DAB1: variants seen among roughly 807,000 people sequenced by gnomAD.
The protein encoded by DAB1 is DAB adaptor protein 1.
In DAB1, 15 loss-of-function variants were observed where a neutral mutation model predicts 64.6. The observed-to-expected ratio is 0.23, with a 90% CI of 0.16 to 0.36. The LOEUF (loss-of-function observed/expected upper bound fraction) is 0.36. DAB1 is among the 10% of genes least tolerant of loss of function. The probability of loss-of-function intolerance (pLI) is 1.00; values close to 1 mark genes in which losing one functional copy is unlikely to be tolerated. For missense variants in DAB1, 596 were observed against 706.7 expected, an observed-to-expected ratio of 0.84 and a Z score of 1.78; for synonymous variants, 235 against 251.9, an observed-to-expected ratio of 0.93 and a Z score of 0.64.
intron 7 of DAB1, among the ~76,000 whole-genome samples, chr1:57,518,559 CT>C (rs1406151049): frequency 5.3e-5 from 8 of 152,140 alleles, no homozygotes; most frequent in Non-Finnish European, 1.0e-4. Flanking sequence ...AATCTGATTC[CT>C]TTTTTTCATG....
intron 2 of DAB1, among the ~76,000 whole-genome samples, chr1:57,231,410 T>C (rs1394147376): frequency 6.6e-6 from 1 of 152,252 alleles, no homozygotes; most frequent in Non-Finnish European, 1.5e-5. Context: ...CATTCCACTC[T>C]GAGCTTCATG....
At chr1:57,690,688 A>AT (rs1298622254) in intron 6 of DAB1, among the ~76,000 whole-genome samples, 1 of 152,216 alleles carries the variant, frequency 6.6e-6, no homozygotes, top group African/African-American at 2.4e-5. Context: ...ATCATATGGT[A>AT]GCCCGATTTT....
chr1:58,474,675 C>G (rs1009236368), intron 3 of DAB1, among the ~76,000 whole-genome samples: 1 of 152,132 alleles, frequency 6.6e-6, no homozygotes, highest in African/African-American at 2.4e-5. Flanking sequence ...GTTTCAGGGA[C>G]TATGGAGCAG....
At chr1:58,349,227 T>C (rs1000114836) in intron 3 of DAB1, among the ~76,000 whole-genome samples, 1 of 152,184 alleles carries the variant, frequency 6.6e-6, no homozygotes, top group Non-Finnish European at 1.5e-5. Flanking sequence ...CTTAGTTCCA[T>C]GAAATTGCAA....
chr1:57,605,971 C>T (rs1374340842), intron 7 of DAB1: 8 of 681,584 alleles, frequency 1.2e-5, no homozygotes, highest in East Asian at 5.7e-5. Flanking sequence ...CATCTGGAAA[C>T]GACCTCATGT....
intron 1 of DAB1, among the ~76,000 whole-genome samples, chr1:57,369,003 A>T (rs762715333): frequency 6.6e-6 from 1 of 152,212 alleles, no homozygotes; most frequent in Non-Finnish European, 1.5e-5. Flanking sequence ...GATTCTAGAT[A>T]GGTAAGCATG....
chr1:58,268,985 T>C (rs986785723), intron 4 of DAB1, among the ~76,000 whole-genome samples: 10 of 148,842 alleles, frequency 6.7e-5, no homozygotes, highest in Non-Finnish European at 8.9e-5. Flanking sequence ...GATTTTTTTT[T>C]CCTTGGTCCT....
chr1:57,053,470 A>G (rs937314529), intron 9 of DAB1, among the ~76,000 whole-genome samples: 4 of 150,896 alleles, frequency 2.7e-5, no homozygotes, highest in African/African-American at 9.7e-5. Flanking sequence ...TTGGTCTTGA[A>G]CTCCTGGCCC....
chr1:57,407,769 T>TGC (rs1683767502), intron 1 of DAB1, among the ~76,000 whole-genome samples: 1 of 7,714 alleles, frequency 1.3e-4, no homozygotes, highest in Non-Finnish European at 2.0e-4. Flanking sequence ...ATATCTGAAG[T>TGC]GTGTGTGTGT....
intron 6 of DAB1, among the ~76,000 whole-genome samples, chr1:57,691,193 A>C (rs920099496): frequency 6.6e-6 from 1 of 152,142 alleles, no homozygotes; most frequent in Non-Finnish European, 1.5e-5. Context: ...CTCTGTGTCT[A>C]GCTAAAGGAT....
intron 6 of DAB1, among the ~76,000 whole-genome samples, chr1:57,789,422 C>T (rs1015309675): frequency 6.6e-6 from 1 of 152,138 alleles, no homozygotes; most frequent in South Asian, 2.1e-4. Context: ...AAATGGGTGG[C>T]TTGAACAACA....
At chr1:57,465,808 A>G (rs1008737319) in intron 7 of DAB1, among the ~76,000 whole-genome samples, 1 of 152,214 alleles carries the variant, frequency 6.6e-6, no homozygotes, top group African/African-American at 2.4e-5. Flanking sequence ...AGGATTCCCT[A>G]TTCAGTATCT....
chr1:58,028,036 C>G (rs1219907976), intron 5 of DAB1, among the ~76,000 whole-genome samples: 28 of 152,180 alleles, frequency 1.8e-4, no homozygotes, highest in Admixed American at 1.8e-3. Flanking sequence ...GCTCATTTCT[C>G]TGAGCTTCTG....
At chr1:57,443,317 G>A (rs1272413596) in intron 7 of DAB1, among the ~76,000 whole-genome samples, 1 of 152,196 alleles carries the variant, frequency 6.6e-6, no homozygotes, top group Non-Finnish European at 1.5e-5. Flanking sequence ...AAAGGACCAT[G>A]AGAAACAAAG....
At chr1:58,018,885 A>G (rs1454569650) in intron 5 of DAB1, among the ~76,000 whole-genome samples, 10 of 152,264 alleles carry the variant, frequency 6.6e-5, no homozygotes, top group Admixed American at 5.2e-4. Flanking sequence ...AATCAGTTGT[A>G]TGACTACTGC....
chr1:58,144,572 C>T (rs1258727705), intron 5 of DAB1, among the ~76,000 whole-genome samples: 1 of 152,232 alleles, frequency 6.6e-6, no homozygotes, highest in African/African-American at 2.4e-5. Context: ...GGTATGTCCT[C>T]ATTTTACATA....
intron 7 of DAB1, among the ~76,000 whole-genome samples, chr1:57,498,118 T>C (rs909476787): frequency 6.6e-6 from 1 of 152,222 alleles, no homozygotes; most frequent in African/African-American, 2.4e-5. Flanking sequence ...CAGATTCTTA[T>C]TAACTTGTGC....
intron 5 of DAB1, among the ~76,000 whole-genome samples, chr1:57,923,156 C>T (rs1644834147): frequency 6.6e-6 from 1 of 151,984 alleles, no homozygotes; most frequent in African/African-American, 2.4e-5. Flanking sequence ...AGAGATGGAA[C>T]AGGAAAGGAG....
At chr1:57,153,914 C>T (rs560760004) in intron 2 of DAB1, among the ~76,000 whole-genome samples, 3 of 152,146 alleles carry the variant, frequency 2.0e-5, no homozygotes, top group Non-Finnish European at 2.9e-5. Context: ...GTTGGGATTA[C>T]AGGCATGAGC....
Sources: allele counts gnomAD v4.1 joint callset (sites outside exome capture counted in the v4.1 genomes callset), GRCh38; gene constraint gnomAD v4.1.1; transcripts MANE v1.5; gene names NCBI Gene and HGNC (gene_info 2026-07-23, HGNC 2026-07-21).